Variants in XYLT1 observed in about 807,000 individuals in gnomAD.
XYLT1 encodes the protein xylosyltransferase 1, also known as beta-D-xylosyltransferase 1.
XYLT1 carries 36 observed loss-of-function variants against 91.3 expected under a neutral mutation model. The observed-to-expected ratio is 0.39, with a 90% CI of 0.30 to 0.52. The LOEUF is 0.52. Among genes scored for constraint, XYLT1 ranks in the 20% least tolerant of loss-of-function variants. The pLI, the probability that XYLT1 is intolerant of heterozygous loss-of-function variation, is 0.68. For missense variants in XYLT1, 1,242 were observed against 1,284.5 expected (o/e 0.97, Z 0.51); for synonymous variants, 588 against 532.0 (o/e 1.11, Z -1.45).
Position 17,329,585 on chromosome 16 carries a change from CA to C in XYLT1, c.402+28426del, listed in dbSNP as rs375402772. ...TCTCATATTCCACAAGGCTGGTAGA[CA>C]GACATCACTAACTGCTCTACTGATA... On this transcript the variant is annotated intron_variant, in intron 2 of 11. Coordinates refer to ENST00000261381, the MANE Select transcript of XYLT1 (RefSeq NM_022166.4). Among the ~76,000 whole-genome samples, 32 of 152,280 alleles carry C rather than the reference CA, an allele frequency of 2.1e-4. No homozygotes were observed. In the East Asian group the frequency reaches 3.9e-3, roughly 18 times the overall value.
intron 8 of XYLT1, among the ~76,000 whole-genome samples, chr16:17,137,839 T>C (rs2030800509): frequency 6.6e-6 from 1 of 152,218 alleles, no homozygotes; most frequent in African/African-American, 2.4e-5. Context: ...ATATCACTGA[T>C]GAGGGTTTCT....
At chr16:17,255,660 G>C (rs1255526131) in intron 3 of XYLT1, among the ~76,000 whole-genome samples, 1 of 152,098 alleles carries the variant, frequency 6.6e-6, no homozygotes, top group Non-Finnish European at 1.5e-5. Context: ...ACTTAGACAA[G>C]GGTGAAACAG....
chr16:17,348,262 C>A (rs528312005), intron 2 of XYLT1, among the ~76,000 whole-genome samples: 2 of 152,128 alleles, frequency 1.3e-5, no homozygotes, highest in Non-Finnish European at 2.9e-5. Context: ...GGATCTTCCA[C>A]GCTGAGCCTC....
intron 2 of XYLT1, among the ~76,000 whole-genome samples, chr16:17,330,755 T>C (rs1030010731): frequency 4.0e-5 from 6 of 150,962 alleles, no homozygotes; most frequent in Non-Finnish European, 7.4e-5. Context: ...GATCGCGCCA[T>C]TGCACTCCAG....
intron 1 of XYLT1, among the ~76,000 whole-genome samples, chr16:17,427,283 C>A (rs991064537): frequency 1.3e-5 from 2 of 152,240 alleles, no homozygotes; most frequent in Non-Finnish European, 2.9e-5. Flanking sequence ...ATCTCCAAGT[C>A]AAGCTCTGCC....
chr16:17,123,694 T>C (rs2030154681), intron 10 of XYLT1, among the ~76,000 whole-genome samples: 1 of 152,184 alleles, frequency 6.6e-6, no homozygotes. Flanking sequence ...AGTCCATTTG[T>C]TGTAGGGTAT....
intron 2 of XYLT1, among the ~76,000 whole-genome samples, chr16:17,304,850 C>T (rs1477962966): frequency 1.3e-5 from 2 of 152,138 alleles, no homozygotes. Flanking sequence ...CAACTTGGCA[C>T]AGATGAGGCC....
chr16:17,311,820 GTCTTACATGGCA>G (rs2034554720), intron 2 of XYLT1, among the ~76,000 whole-genome samples: 1 of 92,910 alleles, frequency 1.1e-5, no homozygotes, highest in East Asian at 2.7e-4. Context: ...CAAAAGGCAC[GTCTTACATGGCA>G]GCAGGCAAAA....
chr16:17,340,209 C>T (rs187485780), intron 2 of XYLT1, among the ~76,000 whole-genome samples: 1 of 152,316 alleles, frequency 6.6e-6, no homozygotes, highest in Admixed American at 6.5e-5. Flanking sequence ...ACAGTTGACA[C>T]CTCTGCAGTT....
chr16:17,258,875 G>GA lies in XYLT1; in HGVS notation c.913+112_913+113insT. On this transcript the variant is annotated intron_variant, in intron 3 of 11. Transcript: ENST00000261381. ...GATCTCGTGTGCTCATCTGGGGTTT[G>GA]GAAAACAGGGTGGCCTTTCTCAGAA... 7 of 1,285,064 alleles carry GA rather than the reference G, an allele frequency of 5.4e-6. No homozygotes were observed. The South Asian group carries it at 9.9e-5, about 18-fold the overall frequency. The allele number at this position is 1,285,064 out of a possible 1,614,324, so 79.6% of individuals were successfully genotyped here.
intron 3 of XYLT1, among the ~76,000 whole-genome samples, chr16:17,247,835 A>T (rs904734628): frequency 1.6e-4 from 23 of 141,728 alleles, no homozygotes; most frequent in African/African-American, 5.6e-4. Context: ...GCACTGTAAG[A>T]GGAGGAAAGA....
intron 2 of XYLT1, among the ~76,000 whole-genome samples, chr16:17,327,441 C>G (rs996467462): frequency 6.8e-6 from 1 of 147,738 alleles, no homozygotes; most frequent in African/African-American, 2.5e-5. Context: ...TGGCTCACTG[C>G]AAGCTCCGCC....
intron 1 of XYLT1, among the ~76,000 whole-genome samples, chr16:17,446,759 G>C (rs1445616771): frequency 6.6e-6 from 1 of 152,098 alleles, no homozygotes; most frequent in Non-Finnish European, 1.5e-5. Context: ...TGAAAGTCTG[G>C]GGACTCCCAC....
intron 2 of XYLT1, among the ~76,000 whole-genome samples, chr16:17,339,420 T>A (rs923894868): frequency 1.3e-5 from 2 of 152,200 alleles, no homozygotes; most frequent in African/African-American, 2.4e-5. Flanking sequence ...TCTCCAAATA[T>A]TGTTTATACT....
chr16:17,375,175 A>AT (rs1226248627), intron 1 of XYLT1, among the ~76,000 whole-genome samples: 1 of 152,158 alleles, frequency 6.6e-6, no homozygotes, highest in East Asian at 1.9e-4. Flanking sequence ...ATCCTATAAT[A>AT]ACATTTCTTA....
chr16:17,208,609 T>C (rs892352195), intron 3 of XYLT1, among the ~76,000 whole-genome samples: 5 of 152,258 alleles, frequency 3.3e-5, no homozygotes, highest in Admixed American at 6.5e-5. Flanking sequence ...TAAGCATTTA[T>C]GTATAGAATT....
intron 2 of XYLT1, chr16:17,338,562 G>C (rs1055427376): frequency 4.4e-6 from 2 of 454,120 alleles, no homozygotes; most frequent in Non-Finnish European, 4.4e-6. Context: ...TTTCATCTCT[G>C]TTCTCTGTCG....
rs375685757 is a variant in XYLT1, at chr16:17,147,950, G to A, written c.1371-6581C>T. On this transcript the variant is annotated intron_variant, in intron 6 of 11. Coordinates refer to ENST00000261381, the MANE Select transcript of XYLT1 (RefSeq NM_022166.4). ...ATATACAAAAGGTGACCAATGATACGCTCTTCCTTTTCATTTCCCATTGAG... is the reference window on the plus strand; with the variant it reads ...ATATACAAAAGGTGACCAATGATACACTCTTCCTTTTCATTTCCCATTGAG... 2.6e-5 allele frequency among the ~76,000 whole-genome samples: 4 copies of A among 152,280 alleles called. No homozygotes were observed. The South Asian group carries it at 6.2e-4, about 24-fold the overall frequency.
chr16:17,361,260 G>A lies in XYLT1; in HGVS notation c.364-3210C>T, dbSNP rs180880395. ...CCCCAGTACCTTGCTGGTCCAAGGA[G>A]GATGCCAGACACGTGAAACAAACCT... On this transcript the variant is annotated intron_variant, in intron 1 of 11. Transcript: ENST00000261381. Among the ~76,000 whole-genome samples the A allele has an allele frequency of 5.2e-4, 79 of 152,162 alleles. 1 individual carries two copies. Among genetic ancestry groups the A allele is most frequent in the African/African-American group, 1.8e-3 (76 of 41,412 alleles).
Sources: gnomAD v4.1 joint callset for allele counts (sites outside exome capture counted in the v4.1 genomes callset) on GRCh38, gnomAD v4.1.1 for gene constraint, MANE v1.5 for transcripts, NCBI Gene and HGNC (gene_info 2026-07-23, HGNC 2026-07-21) for gene names.